GTSF1: variants seen among roughly 807,000 people sequenced by gnomAD.
The protein encoded by GTSF1 is gametocyte specific factor 1.
In GTSF1, 11 loss-of-function variants were observed where a neutral mutation model predicts 28.9. The ratio of observed to expected loss-of-function variants is 0.38; its 90% CI spans 0.24 to 0.63. The LOEUF is 0.63. Ranked by LOEUF, GTSF1 falls within the 30% of genes least tolerant of loss-of-function variation. GTSF1 has a pLI of 0.56. For missense variants in GTSF1, 146 were observed against 201.0 expected (o/e 0.73, Z 1.66); for synonymous variants, 69 against 65.6 (o/e 1.05, Z -0.25).
At position 54,460,475 on chromosome 12, in the gene GTSF1, C is replaced by CA; in HGVS notation, c.393-5dup. 6.2e-7 allele frequency: 1 copy of CA among 1,608,596 alleles called. No individual in the cohort carries two copies. Among genetic ancestry groups the CA allele is most frequent in the Non-Finnish European group, 8.5e-7 (1 of 1,175,562 alleles). On this transcript the variant is annotated splice_polypyrimidine_tract_variant and splice_region_variant and intron_variant, in intron 6 of 8. Transcript: ENST00000305879. ...TGTAACTATGTTGCTCGCAGGGCTG[C>CA]AAAAAGATGAATTTGGCTATGTCGG...
chr12:54,465,208 GC>G, intron 2 of GTSF1, 41 bp from the exon 3 acceptor site: 2 of 1,373,426 alleles, frequency 1.5e-6, no homozygotes, highest in Non-Finnish European at 2.1e-6. Flanking sequence ...ACGATAATAG[GC>G]CCTTGTAAAA....
intron 2 of GTSF1, among the ~76,000 whole-genome samples, chr12:54,470,185 A>G (rs1212232070): frequency 2.0e-5 from 3 of 152,234 alleles, no homozygotes; most frequent in Non-Finnish European, 4.4e-5. Flanking sequence ...CAAAAGAAAG[A>G]AAACAAAAAC....
intron 2 of GTSF1, among the ~76,000 whole-genome samples, chr12:54,466,016 A>G (rs1036885079): frequency 3.3e-5 from 5 of 152,230 alleles, no homozygotes; most frequent in African/African-American, 9.6e-5. Context: ...AATAGGAACA[A>G]TGTGCAAAAA....
chr12:54,466,684 C>G (rs1190931068), intron 2 of GTSF1, among the ~76,000 whole-genome samples: 1 of 152,034 alleles, frequency 6.6e-6, no homozygotes. Flanking sequence ...TATTATACTG[C>G]CCATATAGTA....
chr12:54,457,590 T>C (rs1221845352), intron 8 of GTSF1, among the ~76,000 whole-genome samples: 1 of 152,148 alleles, frequency 6.6e-6, no homozygotes, highest in Non-Finnish European at 1.5e-5. Context: ...CTCCCTGCTT[T>C]TGTTTAAGAC....
At chr12:54,456,795 A>C (rs1956338758) in intron 8 of GTSF1, among the ~76,000 whole-genome samples, 1 of 152,190 alleles carries the variant, frequency 6.6e-6, no homozygotes. Flanking sequence ...ATTGAAAATA[A>C]TACTTAATGG....
chr12:54,459,541 G>A, intron 7 of GTSF1: 1 of 925,322 alleles, frequency 1.1e-6, no homozygotes, highest in Non-Finnish European at 1.5e-6. Flanking sequence ...CATTATGACG[G>A]TAATATGATA....
At chr12:54,456,234 A>G (rs753136023) in intron 8 of GTSF1, 81 bp from the exon 9 acceptor site, 16 of 152,230 alleles carry the variant, frequency 1.1e-4, no homozygotes, top group Non-Finnish European at 1.9e-4. Context: ...TGGGCCACAC[A>G]ACTATAACCC....
intron 2 of GTSF1, among the ~76,000 whole-genome samples, 200 bp from the exon 3 acceptor site, chr12:54,465,367 C>G (rs1161539122): frequency 6.6e-6 from 1 of 152,074 alleles, no homozygotes; most frequent in Non-Finnish European, 1.5e-5. Context: ...AACCAGAAAT[C>G]TCAGGGTGAA....
chr12:54,462,000 C>A, intron 6 of GTSF1, 109 bp downstream of exon 6: 1 of 738,808 alleles, frequency 1.4e-6, no homozygotes, highest in South Asian at 1.7e-5. Context: ...AAACTACCAT[C>A]AAGGAACATC....
At chr12:54,466,814 ATC>A (rs1204974876) in intron 2 of GTSF1, 3 of 94,388 alleles carry the variant, frequency 3.2e-5, no homozygotes, top group African/African-American at 1.2e-4. Flanking sequence ...TGATTTAAAA[ATC>A]TTTTTTTTTT....
intron 3 of GTSF1, chr12:54,464,604 T>C (rs1317412304): frequency 8.5e-5 from 13 of 152,530 alleles, no homozygotes. Flanking sequence ...TTTTTAAAGA[T>C]GTTTACTGTT....
chr12:54,466,591 C>G (rs1169373592), intron 2 of GTSF1, among the ~76,000 whole-genome samples: 6 of 152,218 alleles, frequency 3.9e-5, no homozygotes, highest in African/African-American at 1.2e-4. Flanking sequence ...TTAGTTTCCC[C>G]TGATTTAATC....
chr12:54,463,021 C>G (rs1956449266), intron 4 of GTSF1, 150 bp downstream of exon 4: 1 of 714,352 alleles, frequency 1.4e-6, no homozygotes, highest in African/African-American at 1.8e-5. Flanking sequence ...AATCTGACAA[C>G]CTATTGCTGC....
rs545167014 is a variant in GTSF1 at position 54,465,337 on chromosome 12, A to C, written c.17-170T>G. ...TGACTACACTTTTAAAATATTTCTGAATCTTAGTAAGTTCAGCAGAACCAG... is the reference window on the plus strand; with the variant it reads ...TGACTACACTTTTAAAATATTTCTGCATCTTAGTAAGTTCAGCAGAACCAG... On this transcript the variant is annotated intron_variant, in intron 2 of 8. Transcript: ENST00000305879. Among the ~76,000 whole-genome samples the C allele has an allele frequency of 5.9e-5, 9 of 152,314 alleles. No homozygotes were observed. The South Asian group carries it at 1.9e-3, about 32-fold the overall frequency.
At chr12:54,462,252 G>T in intron 5 of GTSF1, 80 bp from the exon 6 acceptor site, 1 of 1,011,788 alleles carries the variant, frequency 9.9e-7, no homozygotes, top group Non-Finnish European at 1.6e-6. Context: ...TTTATAAGAT[G>T]GGAAATAATA....
At chr12:54,456,628 T>C (rs1350960307) in intron 8 of GTSF1, among the ~76,000 whole-genome samples, 1 of 152,190 alleles carries the variant, frequency 6.6e-6, no homozygotes, top group Non-Finnish European at 1.5e-5. Context: ...AAAACATAAA[T>C]AGGATAAAAC....
At chr12:54,465,822 T>C (rs1410198383) in intron 2 of GTSF1, among the ~76,000 whole-genome samples, 3 of 152,222 alleles carry the variant, frequency 2.0e-5, no homozygotes, top group African/African-American at 7.2e-5. Flanking sequence ...AGATTTCTTT[T>C]TCATCTGTCT....
At chr12:54,460,257 C>T (rs1436186216) in intron 7 of GTSF1, 120 bp downstream of exon 7, 2 of 690,818 alleles carry the variant, frequency 2.9e-6, no homozygotes, top group Non-Finnish European at 5.0e-6. Flanking sequence ...TTTAAGGAGG[C>T]ACTCACTTTA....
Sources: allele counts gnomAD v4.1 joint callset (sites outside exome capture counted in the v4.1 genomes callset), GRCh38; gene constraint gnomAD v4.1.1; transcripts MANE v1.5; gene names NCBI Gene and HGNC (gene_info 2026-07-23, HGNC 2026-07-21).